The following VPS13C variants were observed in gnomAD, a reference collection of about 807,000 sequenced individuals.
The protein encoded by VPS13C is vacuolar protein sorting 13 homolog C.
In VPS13C, 358 loss-of-function variants were observed where a neutral mutation model predicts 456.8. The observed-to-expected ratio is 0.78, with a 90% CI of 0.72 to 0.86. The LOEUF (loss-of-function observed/expected upper bound fraction) is 0.86, where lower values mean the gene tolerates loss of function less well. Among genes scored for constraint, VPS13C ranks in the 40% least tolerant of loss-of-function variants. The pLI is 0.00. For synonymous variants in VPS13C, 1,578 were observed against 1,486.7 expected (o/e 1.06, Z -1.41); for missense variants, 4,818 against 4,385.4 (o/e 1.10, Z -2.79).
chr15:62,001,470 T>C (rs147330999), intron 15 of VPS13C, among the ~76,000 whole-genome samples: 314 of 152,328 alleles, frequency 2.1e-3, no homozygotes, highest in African/African-American at 7.0e-3. Flanking sequence ...GTATCCAGTG[T>C]GTTTCTACCT....
Position 62,033,469 on chromosome 15 carries a change from T to G in VPS13C, c.357A>C (p.Glu119Asp), listed in dbSNP as rs765958790. The G allele has an allele frequency of 1.2e-6, 2 of 1,606,326 alleles. No homozygotes were observed. The highest frequency in any genetic ancestry group is 2.7e-5 in the African/African-American group (2 of 74,504). Reference protein sequence around the residue: ...DVKQKELSRIEEALQKAAEKG... With the variant: ...DVKQKELSRIDEALQKAAEKG... ...TTTCTGCTGCTTTTTGAAGGGCTTC[T>G]TCAATTCGGGATAGCTCTTTCTGTT... is the stretch of plus-strand genomic sequence containing the variant. Residue 119 changes from glutamate to aspartate, a missense_variant, in exon 5 of 85, where the codon GAA becomes GAC. This residue lies in a region of VPS13C where 4,552 missense variants were observed against 4,130.6 expected (regional missense o/e 1.10). Coordinates refer to ENST00000644861, the MANE Select transcript of VPS13C (RefSeq NM_020821.3).
chr15:61,892,309 G>C (rs2042677235), intron 66 of VPS13C, among the ~76,000 whole-genome samples: 1 of 152,194 alleles, frequency 6.6e-6, no homozygotes. Flanking sequence ...GTCTTCTGAG[G>C]AGGAACCCTG....
At chr15:61,888,359 A>G (rs1896418403) in intron 67 of VPS13C, among the ~76,000 whole-genome samples, 1 of 152,212 alleles carries the variant, frequency 6.6e-6, no homozygotes, top group South Asian at 2.1e-4. Context: ...ACCCCAAAGC[A>G]GAGGAAACAT....
At position 61,929,650 on chromosome 15, in the gene VPS13C, T is replaced by C. The variant is rs769260002; in HGVS notation, c.6137A>G (p.Asp2046Gly). ...CACACTGGCACATACATACAGCTTG[T>C]CAAGAACAGCATCAATTTGACTTCC... ...KNGSQIDAVL[D>G]KLYVCASVEF... The change falls in exon 51 of 85, where the codon GAC becomes GGC. Residue 2046 changes from aspartate to glycine, a missense_variant. Coordinates refer to ENST00000644861, the MANE Select transcript of VPS13C (RefSeq NM_020821.3). The C allele has an allele frequency of 1.2e-6, 2 of 1,614,146 alleles. No individual in the cohort carries two copies. Among genetic ancestry groups the C allele is most frequent in the African/African-American group, 1.3e-5 (1 of 75,056 alleles).
intron 73 of VPS13C, among the ~76,000 whole-genome samples, 182 bp from the exon 74 acceptor site, chr15:61,878,928 T>G (rs1291368916): frequency 6.6e-6 from 1 of 152,120 alleles, no homozygotes; most frequent in East Asian, 1.9e-4. Flanking sequence ...CTTTGCTTTT[T>G]GATAGAATAC....
chr15:61,856,193 G>T, intron 83 of VPS13C, 93 bp downstream of exon 83: 1 of 1,434,982 alleles, frequency 7.0e-7, no homozygotes, highest in South Asian at 1.3e-5. Context: ...TAGTAATAAC[G>T]ACACTAATCC....
intron 84 of VPS13C, 113 bp downstream of exon 84, chr15:61,854,758 T>A (rs1893814576): frequency 5.6e-6 from 6 of 1,080,774 alleles, no homozygotes; most frequent in Non-Finnish European, 6.7e-6. Context: ...TATATATCCA[T>A]CCATAGTTAT....
At chr15:62,000,951 T>C (rs188507185) in intron 15 of VPS13C, among the ~76,000 whole-genome samples, 2 of 152,330 alleles carry the variant, frequency 1.3e-5, no homozygotes, top group African/African-American at 4.8e-5. Context: ...TTTATCATCC[T>C]TATGATTCTT....
intron 66 of VPS13C, among the ~76,000 whole-genome samples, chr15:61,892,953 A>T (rs2042695634): frequency 6.6e-6 from 1 of 152,208 alleles, no homozygotes; most frequent in African/African-American, 2.4e-5. Context: ...AGAAAACAGA[A>T]TAAAAAAGAA....
intron 37 of VPS13C, among the ~76,000 whole-genome samples, chr15:61,955,102 T>C (rs1021005313): frequency 1.3e-5 from 2 of 152,308 alleles, no homozygotes; most frequent in African/African-American, 4.8e-5. Flanking sequence ...TATGATGCTG[T>C]GTTTCTGAAA....
intron 66 of VPS13C, among the ~76,000 whole-genome samples, chr15:61,896,033 A>G (rs1445823944): frequency 2.0e-5 from 3 of 152,356 alleles, no homozygotes; most frequent in East Asian, 3.9e-4. Context: ...TAATCAGTAT[A>G]TATTACAGAT....
intron 1 of VPS13C, among the ~76,000 whole-genome samples, chr15:62,053,204 C>A (rs2140792125): frequency 6.6e-6 from 1 of 152,290 alleles, no homozygotes; most frequent in African/African-American, 2.4e-5. Flanking sequence ...GTGGCCTCCA[C>A]TACACCAAGT....
chr15:61,929,766 A>G lies in VPS13C; in HGVS notation c.6039-18T>C, dbSNP rs796650733. The stretch of plus-strand genomic sequence containing the variant: ...CAATCATTCTGAAAAAAAACATGCT[A>G]TTCATTATTTTATTCTTGCTAAAAC... On this transcript the variant is annotated intron_variant, in intron 50 of 84. Coordinates refer to ENST00000644861, the MANE Select transcript of VPS13C (RefSeq NM_020821.3). 7.5e-6 allele frequency: 12 copies of G among 1,596,694 alleles called. No homozygotes were observed. The African/African-American group carries it at 1.5e-4, about 20-fold the overall frequency.
intron 27 of VPS13C, 97 bp downstream of exon 27, chr15:61,972,528 C>T (rs1596403320): frequency 7.3e-7 from 1 of 1,365,712 alleles, no homozygotes; most frequent in East Asian, 2.3e-5. Context: ...CAGAGTACCA[C>T]ATTTTTAATA....
intron 5 of VPS13C, among the ~76,000 whole-genome samples, chr15:62,033,127 T>TA (rs1197444019): frequency 6.6e-6 from 1 of 151,624 alleles, no homozygotes; most frequent in Non-Finnish European, 1.5e-5. Context: ...CAAAGAAACT[T>TA]ACCATTTGCC....
At chr15:61,905,456 A>G (rs2140129464) in intron 66 of VPS13C, among the ~76,000 whole-genome samples, 1 of 152,268 alleles carries the variant, frequency 6.6e-6, no homozygotes, top group African/African-American at 2.4e-5. Flanking sequence ...AATAGAATTT[A>G]AACCATTTTC....
At chr15:62,033,171 G>A (rs1282052057) in intron 5 of VPS13C, among the ~76,000 whole-genome samples, 4 of 151,154 alleles carry the variant, frequency 2.6e-5, no homozygotes, top group Non-Finnish European at 5.9e-5. Flanking sequence ...CTGAAAATTT[G>A]GAAAGTCTTC....
intron 48 of VPS13C, chr15:61,935,554 T>A (rs1235034867): frequency 1.3e-5 from 2 of 152,202 alleles, no homozygotes; most frequent in East Asian, 1.9e-4. Flanking sequence ...CACAGTGAGA[T>A]CATTAATCAC....
intron 1 of VPS13C, among the ~76,000 whole-genome samples, chr15:62,049,912 T>C (rs977120581): frequency 3.9e-5 from 6 of 152,222 alleles, no homozygotes; most frequent in South Asian, 2.1e-4. Flanking sequence ...TTGTCTGTTA[T>C]TGGTATATAA....
Sources: gnomAD v4.1 joint callset for allele counts (sites outside exome capture counted in the v4.1 genomes callset) on GRCh38, gnomAD v4.1.1 for gene constraint, gnomAD v4.1.1 regional missense constraint, MANE v1.5 for transcripts, NCBI Gene and HGNC (gene_info 2026-07-23, HGNC 2026-07-21) for gene names.